PSD3: variants seen among roughly 807,000 people sequenced by gnomAD.
PSD3 encodes PH and SEC7 domain-containing protein 3.
PSD3 carries 49 observed loss-of-function variants against 105.5 expected under a neutral mutation model. The ratio of observed to expected loss-of-function variants is 0.46; its 90% CI spans 0.37 to 0.59. The LOEUF is 0.59. Ranked by LOEUF, PSD3 falls within the 20% of genes least tolerant of loss-of-function variation. The pLI, the probability that PSD3 is intolerant of heterozygous loss-of-function variation, is 0.00. For synonymous variants in PSD3, 557 were observed against 457.8 expected, an observed-to-expected ratio of 1.22 and a Z score of -2.77; for missense variants, 1,561 against 1,263.8, an observed-to-expected ratio of 1.24 and a Z score of -3.57.
intron 12 of PSD3, among the ~76,000 whole-genome samples, chr8:18,596,217 A>T (rs1331292555): frequency 6.6e-6 from 1 of 152,002 alleles, no homozygotes; most frequent in African/African-American, 2.4e-5. Context: ...AAAAATGGAC[A>T]AACAATATGC....
At chr8:18,937,983 G>T (rs1254752512) in intron 1 of PSD3, among the ~76,000 whole-genome samples, 1 of 152,168 alleles carries the variant, frequency 6.6e-6, no homozygotes, top group African/African-American at 2.4e-5. Context: ...AAGCCAAAGT[G>T]GCCACAGAAG....
At chr8:18,723,931 T>C (rs1419647618) in intron 9 of PSD3, among the ~76,000 whole-genome samples, 1 of 152,168 alleles carries the variant, frequency 6.6e-6, no homozygotes, top group African/African-American at 2.4e-5. Context: ...TCCGTTTCCA[T>C]ACACAATGGA....
chr8:18,573,890 T>C lies in PSD3; in HGVS notation c.2640-1218A>G, dbSNP rs574488177. 4.6e-5 allele frequency among the ~76,000 whole-genome samples: 7 copies of C among 152,226 alleles called. No individual in the cohort carries two copies. The South Asian group carries it at 1.0e-3, about 23-fold the overall frequency. ...TGATGGCTGAGCCATTCTGTAAATA[T>C]GCTAAAAAAATCACTGAAATGTACA... On this transcript the variant is annotated intron_variant, in intron 13 of 15. Coordinates refer to ENST00000327040, the MANE Select transcript of PSD3 (RefSeq NM_015310.4).
At chr8:18,911,104 T>G (rs1046969593) in intron 2 of PSD3, among the ~76,000 whole-genome samples, 4 of 152,106 alleles carry the variant, frequency 2.6e-5, no homozygotes, top group African/African-American at 9.7e-5. Context: ...TGAGGCCATG[T>G]CAATCAATCA....
chr8:18,628,087 G>A (rs1806622780), intron 11 of PSD3, among the ~76,000 whole-genome samples: 1 of 151,866 alleles, frequency 6.6e-6, no homozygotes, highest in Non-Finnish European at 1.5e-5. Context: ...GTACTGAAAT[G>A]ACAAAGAGTT....
At chr8:18,987,274 TTTTTTA>T (rs970265438) in intron 1 of PSD3, among the ~76,000 whole-genome samples, 4 of 138,394 alleles carry the variant, frequency 2.9e-5, no homozygotes, top group African/African-American at 1.0e-4. Flanking sequence ...ATTTATTTTC[TTTTTTA>T]TTTTTTTTTT....
At chr8:18,875,711 A>G (rs1563374798) in intron 2 of PSD3, among the ~76,000 whole-genome samples, 1 of 151,596 alleles carries the variant, frequency 6.6e-6, no homozygotes, top group African/African-American at 2.4e-5. Flanking sequence ...AATTTTTTGT[A>G]TTTTTTTAGT....
chr8:18,816,605 T>C lies in PSD3; in HGVS notation c.1635-11707A>G, dbSNP rs548639712. On this transcript the variant is annotated intron_variant, in intron 4 of 15. Coordinates refer to ENST00000327040, the MANE Select transcript of PSD3 (RefSeq NM_015310.4). ...TGCACAAATTTTCACTCCAATTATT[T>C]ATTTAAACATTGACTATGTGCCAGC... is the stretch of plus-strand genomic sequence containing the variant. 3.3e-5 allele frequency among the ~76,000 whole-genome samples: 5 copies of C among 152,340 alleles called. No homozygotes were observed. In the East Asian group the frequency reaches 9.6e-4, roughly 29 times the overall value.
intron 2 of PSD3, among the ~76,000 whole-genome samples, chr8:18,915,472 C>T (rs1820522948): frequency 6.6e-6 from 1 of 152,086 alleles, no homozygotes; most frequent in South Asian, 2.1e-4. Context: ...TCCAAAATAT[C>T]CAAGATATAA....
chr8:18,829,116 ATG>A, intron 4 of PSD3, among the ~76,000 whole-genome samples: 1 of 152,150 alleles, frequency 6.6e-6, no homozygotes, highest in Middle Eastern at 3.4e-3. Context: ...GCATGGTGGC[ATG>A]TGTCTATGGT....
chr8:18,831,771 A>C (rs569304416), intron 4 of PSD3, among the ~76,000 whole-genome samples: 2 of 152,306 alleles, frequency 1.3e-5, no homozygotes, highest in African/African-American at 4.8e-5. Context: ...GACATCAAAC[A>C]GGTTCCCTCA....
chr8:18,925,334 G>C (rs1311061246), intron 2 of PSD3, among the ~76,000 whole-genome samples: 2 of 151,982 alleles, frequency 1.3e-5, no homozygotes, highest in Non-Finnish European at 2.9e-5. Context: ...GTTCAAGGCT[G>C]CAGTGAGCTA....
intron 2 of PSD3, among the ~76,000 whole-genome samples, chr8:18,883,250 G>C (rs1818235415): frequency 6.6e-6 from 1 of 152,132 alleles, no homozygotes. Context: ...TTTTAAAAGA[G>C]ATCATAACTG....
rs560274545 is a variant in PSD3, at chr8:18,797,360, A to G, written c.2082+1935T>C. On this transcript the variant is annotated intron_variant, in intron 8 of 15. Coordinates refer to ENST00000327040, the MANE Select transcript of PSD3 (RefSeq NM_015310.4). The stretch of plus-strand genomic sequence containing the variant: ...TTGCCACGACTGCCAATTATTAATT[A>G]TCCATGATTGGCCTAACTCAAGGTA... 9.2e-5 allele frequency among the ~76,000 whole-genome samples: 14 copies of G among 152,294 alleles called. No individual in the cohort carries two copies. In the South Asian group the frequency reaches 2.7e-3, roughly 29 times the overall value.
At chr8:18,822,282 A>G (rs1812807969) in intron 4 of PSD3, among the ~76,000 whole-genome samples, 1 of 152,148 alleles carries the variant, frequency 6.6e-6, no homozygotes, top group Non-Finnish European at 1.5e-5. Context: ...AAGAAGTATG[A>G]TGCATAGCCC....
chr8:18,637,044 T>C (rs1290263433), intron 10 of PSD3, among the ~76,000 whole-genome samples: 1 of 152,224 alleles, frequency 6.6e-6, no homozygotes, highest in Non-Finnish European at 1.5e-5. Context: ...CTGTACATCT[T>C]CAATAGTGAG....
At chr8:18,857,529 C>T (rs373992207) in intron 4 of PSD3, among the ~76,000 whole-genome samples, 9 of 152,308 alleles carry the variant, frequency 5.9e-5, no homozygotes, top group South Asian at 2.1e-4. Flanking sequence ...GAATCTCTGA[C>T]GGTGAAGGCT....
chr8:18,792,871 G>A (rs1293126805), intron 8 of PSD3, among the ~76,000 whole-genome samples: 1 of 152,146 alleles, frequency 6.6e-6, no homozygotes, highest in Admixed American at 6.5e-5. Flanking sequence ...AAAGACACAT[G>A]CACACTTATG....
chr8:18,571,646 A>G (rs1802147481), intron 14 of PSD3, among the ~76,000 whole-genome samples: 1 of 152,322 alleles, frequency 6.6e-6, no homozygotes, highest in Admixed American at 6.5e-5. Flanking sequence ...GATGTACAAC[A>G]GGCACACAAT....
Sources: allele counts gnomAD v4.1 joint callset (sites outside exome capture counted in the v4.1 genomes callset), GRCh38; gene constraint gnomAD v4.1.1; transcripts MANE v1.5; gene names NCBI Gene and HGNC (gene_info 2026-07-23, HGNC 2026-07-21).